Variants in SAMD7 observed in about 807,000 individuals in gnomAD.
The protein encoded by SAMD7 is sterile alpha motif domain-containing protein 7.
SAMD7 carries 34 observed loss-of-function variants against 36.7 expected under a neutral mutation model. That is an observed-to-expected ratio of 0.93 (90% CI 0.71 to 1.23). SAMD7 has a LOEUF of 1.23. Among genes scored for constraint, SAMD7 ranks in the 50% most tolerant of loss-of-function variants. SAMD7 has a pLI of 0.00. For missense variants in SAMD7, 570 were observed against 546.6 expected, an observed-to-expected ratio of 1.04 and a Z score of -0.43; for synonymous variants, 188 against 189.7, an observed-to-expected ratio of 0.99 and a Z score of 0.07.
Position 169,917,665 on chromosome 3 carries a change from G to A in SAMD7, c.-41-1793G>A, listed in dbSNP as rs537856453. ...TATTTATTTATTTATTTTTTGAGAC[G>A]GAGTCTCGCTCTGTCACCCAGGCTG... On this transcript the variant is annotated intron_variant, in intron 2 of 8. Transcript: ENST00000335556. 2.6e-3 allele frequency among the ~76,000 whole-genome samples: 265 copies of A among 100,074 alleles called. 1 individual carries two copies. The highest frequency in any genetic ancestry group is 8.9e-3 in the African/African-American group (255 of 28,794). The allele number at this position is 100,074 out of a possible 152,430, so 65.7% of individuals were successfully genotyped here.
chr3:169,938,491 T>A lies in SAMD7; in HGVS notation c.1326T>A (p.Gly442=), dbSNP rs1296581999. The A allele has an allele frequency of 1.9e-6, 3 of 1,608,930 alleles. No homozygotes were observed. Among genetic ancestry groups the A allele is most frequent in the Non-Finnish European group, 2.5e-6 (3 of 1,177,162 alleles). ...TAATTCCTAAAGGAATTGAGCGAGG[T>A]AGTATGAGAAACTAAAAGCCCTCAA... The part of the protein sequence containing the change: ...DTIIPKGIER[G]SMRN Residue 442 remains glycine (G), a synonymous_variant, in exon 9 of 9, where the codon GGT becomes GGA. Coordinates refer to ENST00000335556, the MANE Select transcript of SAMD7 (RefSeq NM_001304366.2).
At chr3:169,921,606 G>A (rs1397250183) in intron 4 of SAMD7, among the ~76,000 whole-genome samples, 1 of 152,172 alleles carries the variant, frequency 6.6e-6, no homozygotes, top group Admixed American at 6.5e-5. Context: ...TTACACATGA[G>A]GAACTGATAA....
chr3:169,926,725 A>C lies in SAMD7; in HGVS notation c.463A>C (p.Ser155Arg). Residue 155 changes from serine to arginine, a missense_variant, in exon 6 of 9, where the codon AGC becomes CGC. Coordinates refer to ENST00000335556, the MANE Select transcript of SAMD7 (RefSeq NM_001304366.2). The part of the protein sequence containing the change: ...LPAGDLHFHR[S>R]TLRNLQGNPM... ...TGCCGGTGACCTGCATTTTCACAGAAGCACCCTCAGAAACCTTCAGGGAAA... is the reference window on the plus strand; with the variant it reads ...TGCCGGTGACCTGCATTTTCACAGACGCACCCTCAGAAACCTTCAGGGAAA... 6.2e-7 allele frequency: 1 copy of C among 1,614,016 alleles called. No homozygotes were observed. Among genetic ancestry groups the C allele is most frequent in the East Asian group, 2.2e-5 (1 of 44,868 alleles).
intron 6 of SAMD7, among the ~76,000 whole-genome samples, chr3:169,927,822 G>A (rs1033733705): frequency 3.9e-5 from 6 of 152,036 alleles, no homozygotes; most frequent in African/African-American, 1.2e-4. Context: ...GCAGAGAGGC[G>A]TCTTGCTTCA....
intron 7 of SAMD7, chr3:169,932,942 A>C: frequency 1.5e-6 from 1 of 674,150 alleles, no homozygotes; most frequent in Admixed American, 1.9e-5. Flanking sequence ...TAACAACAAA[A>C]GCTTTGGGAA....
chr3:169,926,178 T>C, intron 5 of SAMD7: 2 of 818,912 alleles, frequency 2.4e-6, no homozygotes, highest in Admixed American at 2.4e-5. Context: ...AATGTCTAAT[T>C]GTCTTTCTTG....
chr3:169,916,268 G>C (rs1427341358), intron 2 of SAMD7, among the ~76,000 whole-genome samples: 1 of 152,166 alleles, frequency 6.6e-6, no homozygotes. Context: ...GAGGCTAGGG[G>C]GTGATGGAAG....
Position 169,926,698 on chromosome 3 carries a change from C to T in SAMD7, c.436C>T (p.Pro146Ser). The T allele has an allele frequency of 6.2e-7, 1 of 1,613,982 alleles. No homozygotes were observed. The highest frequency in any genetic ancestry group is 8.5e-7 in the Non-Finnish European group (1 of 1,179,986). ...PAAYHGRSML[P>S]AGDLHFHRST... ...TGCCTACCATGGCAGGAGCATGCTC[C>T]CTGCCGGTGACCTGCATTTTCACAG... The change falls in exon 6 of 9, where the codon CCT becomes TCT. Residue 146 changes from proline (P) to serine (S), a missense_variant. By Grantham distance (74) the Pro-to-Ser change is moderately conservative. Coordinates refer to ENST00000335556, the MANE Select transcript of SAMD7 (RefSeq NM_001304366.2).
intron 6 of SAMD7, 87 bp from the exon 7 acceptor site, chr3:169,928,370 C>A: frequency 8.2e-7 from 1 of 1,225,616 alleles, no homozygotes; most frequent in Non-Finnish European, 1.2e-6. Flanking sequence ...ATCAAGACCA[C>A]TCTGGGGTGA....
intron 7 of SAMD7, among the ~76,000 whole-genome samples, chr3:169,928,821 A>C (rs1486501836): frequency 6.6e-6 from 1 of 151,990 alleles, no homozygotes; most frequent in African/African-American, 2.4e-5. Context: ...TCCTATCAAG[A>C]CTCCTAAGAA....
At position 169,919,469 on chromosome 3, in the gene SAMD7, T is replaced by A. The variant is rs1290547009; in HGVS notation, c.-30T>A. On this transcript the variant is annotated 5_prime_UTR_variant, in exon 3 of 9. Transcript: ENST00000335556. Reference sequence around the variant, plus strand: ...CTGGTTCTTTTTAGAACTCCATTAGTGGCGAGAGATATTGAAGACAAACCC... The same window carrying A: ...CTGGTTCTTTTTAGAACTCCATTAGAGGCGAGAGATATTGAAGACAAACCC... 1.9e-6 allele frequency: 3 copies of A among 1,558,850 alleles called. No homozygotes were observed. Among genetic ancestry groups the A allele is most frequent in the Non-Finnish European group, 2.7e-6 (3 of 1,129,570 alleles).
At chr3:169,927,285 C>CTTTTTTTTT (rs71634451) in intron 6 of SAMD7, 104 bp downstream of exon 6, 4 of 141,806 alleles carry the variant, frequency 2.8e-5, no homozygotes, top group African/African-American at 4.4e-5. Flanking sequence ...TTTTATCTTT[C>CTTTTTTTTT]TTTTTTTTTT....
In SAMD7 at chr3:169,928,517, G is replaced by C; in HGVS notation, c.980G>C (p.Trp327Ser). 1 of 1,613,832 alleles carries C rather than the reference G, an allele frequency of 6.2e-7. No homozygotes were observed. The highest frequency in any genetic ancestry group is 8.5e-7 in the Non-Finnish European group (1 of 1,179,692). ...NLSLDEDIQK[W>S]TVDDVHSFIR... The stretch of plus-strand genomic sequence containing the variant: ...TCTTTGGATGAAGATATTCAGAAGT[G>C]GACCGTGGATGATGTGCACAGCTTC... Residue 327 changes from tryptophan to serine, a missense_variant, in exon 7 of 9, where the codon TGG becomes TCG. Trp to Ser is a radical substitution (Grantham distance 177, BLOSUM62 -3). Coordinates refer to ENST00000335556, the MANE Select transcript of SAMD7 (RefSeq NM_001304366.2).
chr3:169,935,062 G>A (rs777454549), intron 7 of SAMD7, among the ~76,000 whole-genome samples: 16 of 152,168 alleles, frequency 1.1e-4, no homozygotes, highest in Non-Finnish European at 2.4e-4. Flanking sequence ...GAGGAAAGCC[G>A]GCTTAATGGA....
rs759703436 is a variant in SAMD7, at chr3:169,927,141, G to C, written c.879G>C (p.Lys293Asn). Residue 293 changes from lysine to asparagine, a missense_variant, in exon 6 of 9, where the codon AAG becomes AAC. Transcript: ENST00000335556. ...AGATTTTTGCAACCTGTGATGAAAAGAATGGGGTTTGCCCTCCAGTTCCTC... is the reference window on the plus strand; with the variant it reads ...AGATTTTTGCAACCTGTGATGAAAACAATGGGGTTTGCCCTCCAGTTCCTC... Reference protein sequence around the residue: ...SEQIFATCDEKNGVCPPVPRP... With the variant: ...SEQIFATCDENNGVCPPVPRP... The C allele has an allele frequency of 1.3e-6, 2 of 1,557,908 alleles. No homozygotes were observed. The highest frequency in any genetic ancestry group is 2.5e-5 in the South Asian group (2 of 80,932).
intron 1 of SAMD7, among the ~76,000 whole-genome samples, chr3:169,914,505 C>T (rs1712721198): frequency 6.6e-6 from 1 of 152,250 alleles, no homozygotes; most frequent in Admixed American, 6.5e-5. Context: ...TGCCCAGGGA[C>T]TTCCATGACA....
chr3:169,933,663 C>T (rs1265671672), intron 7 of SAMD7, among the ~76,000 whole-genome samples: 3 of 152,196 alleles, frequency 2.0e-5, no homozygotes, highest in Non-Finnish European at 2.9e-5. Flanking sequence ...TCTATTAGAA[C>T]ACAAGGTTCC....
intron 7 of SAMD7, chr3:169,932,146 G>A: frequency 3.5e-6 from 2 of 573,900 alleles, no homozygotes; most frequent in Non-Finnish European, 3.2e-6. Flanking sequence ...AATGATGACT[G>A]GCTTGTGGAT....
chr3:169,927,634 T>G (rs904232671), intron 6 of SAMD7, among the ~76,000 whole-genome samples: 3 of 152,118 alleles, frequency 2.0e-5, no homozygotes, highest in Non-Finnish European at 2.9e-5. Flanking sequence ...AATTACCTTC[T>G]CTTAGCATCA....
Sources: allele counts gnomAD v4.1 joint callset (sites outside exome capture counted in the v4.1 genomes callset), GRCh38; gene constraint gnomAD v4.1.1; transcripts MANE v1.5; gene names NCBI Gene and HGNC (gene_info 2026-07-23, HGNC 2026-07-21).